Variants in GFRA2 observed in about 807,000 individuals in gnomAD.
The protein encoded by GFRA2 is GDNF family receptor alpha 2.
GFRA2 carries 17 observed loss-of-function variants against 48.3 expected under a neutral mutation model. The observed-to-expected ratio is 0.35, with a 90% CI of 0.24 to 0.53. The LOEUF (loss-of-function observed/expected upper bound fraction) is 0.53. GFRA2 is among the 20% of genes least tolerant of loss of function. GFRA2 has a pLI of 0.93. For missense variants in GFRA2, 660 were observed against 637.3 expected, an observed-to-expected ratio of 1.04 and a Z score of -0.38; for synonymous variants, 305 against 257.2, an observed-to-expected ratio of 1.19 and a Z score of -1.78.
chr8:21,779,561 A>T (rs1806872894), intron 2 of GFRA2: 1 of 152,232 alleles, frequency 6.6e-6, no homozygotes, highest in Non-Finnish European at 1.5e-5. Flanking sequence ...CAGCTCAGGC[A>T]TTGAGCGCTT....
chr8:21,727,040 G>A (rs998260418), intron 4 of GFRA2, among the ~76,000 whole-genome samples: 6 of 152,216 alleles, frequency 3.9e-5, no homozygotes, highest in Admixed American at 1.3e-4. Flanking sequence ...ATGAGCCACC[G>A]TGCCCAGCCC....
intron 4 of GFRA2, among the ~76,000 whole-genome samples, chr8:21,735,134 C>T (rs1468038459): frequency 1.3e-5 from 2 of 152,178 alleles, no homozygotes. Flanking sequence ...GTCATCAGGA[C>T]CTCCTAAGGC....
chr8:21,704,137 C>T lies in GFRA2; in HGVS notation c.1045+848G>A, dbSNP rs1802622908. Among the ~76,000 whole-genome samples the T allele has an allele frequency of 1.3e-5, 2 of 152,366 alleles. 1 individual carries two copies. The highest frequency in any genetic ancestry group is 4.1e-4 in the South Asian group (2 of 4,832). The stretch of plus-strand genomic sequence containing the variant: ...TACGTGATTGGCAGTTCCCTCCACC[C>T]GCCATGGTCTTCTGTGGAGCCCAGG... On this transcript the variant is annotated intron_variant, in intron 6 of 8. Transcript: ENST00000524240.
chr8:21,757,086 A>G (rs548053615), intron 3 of GFRA2, among the ~76,000 whole-genome samples: 2 of 152,128 alleles, frequency 1.3e-5, no homozygotes, highest in Non-Finnish European at 2.9e-5. Context: ...TGGCTTCTTC[A>G]TCTCCTCCCC....
chr8:21,724,029 G>A (rs533894020), intron 4 of GFRA2, among the ~76,000 whole-genome samples: 2 of 152,224 alleles, frequency 1.3e-5, no homozygotes, highest in South Asian at 4.1e-4. Flanking sequence ...CATGGCCCAG[G>A]CTCACCAGGA....
intron 4 of GFRA2, among the ~76,000 whole-genome samples, chr8:21,721,639 A>G (rs1803599818): frequency 6.6e-6 from 1 of 152,228 alleles, no homozygotes; most frequent in African/African-American, 2.4e-5. Context: ...TGAAAAATAG[A>G]ATTGGCTGTA....
At chr8:21,693,693 G>C (rs920842992) in intron 8 of GFRA2, among the ~76,000 whole-genome samples, 8 of 151,996 alleles carry the variant, frequency 5.3e-5, no homozygotes, top group African/African-American at 1.7e-4. Flanking sequence ...CCCTGCATCA[G>C]GGCTGAGGAC....
At chr8:21,751,871 G>T (rs911977946) in intron 3 of GFRA2, among the ~76,000 whole-genome samples, 1 of 152,102 alleles carries the variant, frequency 6.6e-6, no homozygotes, top group Admixed American at 6.5e-5. Flanking sequence ...CGCAAGAGGA[G>T]GGCCCACTCT....
At chr8:21,698,118 C>G (rs913627604) in intron 7 of GFRA2, among the ~76,000 whole-genome samples, 2 of 152,196 alleles carry the variant, frequency 1.3e-5, no homozygotes, top group African/African-American at 4.8e-5. Context: ...CAGAGCTTCT[C>G]ATCCCCTAGA....
chr8:21,701,508 A>C (rs898698868), intron 7 of GFRA2, among the ~76,000 whole-genome samples: 2 of 152,182 alleles, frequency 1.3e-5, no homozygotes, highest in African/African-American at 4.8e-5. Context: ...ACCCCTTTGG[A>C]GGGTCTATTT....
rs201465934 is a variant in GFRA2, at chr8:21,709,982, G to A, written c.795-3941C>T. 8.5e-5 allele frequency among the ~76,000 whole-genome samples: 13 copies of A among 152,184 alleles called. No homozygotes were observed. The East Asian group carries it at 1.2e-3, about 14-fold the overall frequency. The stretch of plus-strand genomic sequence containing the variant: ...AGAGCAGGGCCATAGGGAGAGAGGC[G>A]GGAGTAGAGGAAGCCAGCCAGGAAA... On this transcript the variant is annotated intron_variant, in intron 4 of 8. Transcript: ENST00000524240.
chr8:21,750,948 G>A lies in GFRA2; in HGVS notation c.440-6C>T, dbSNP rs373693920. The A allele has an allele frequency of 3.2e-5, 52 of 1,600,382 alleles. No individual in the cohort carries two copies. The African/African-American group carries it at 5.8e-4, about 18-fold the overall frequency. On this transcript the variant is annotated splice_polypyrimidine_tract_variant and splice_region_variant and intron_variant, in intron 3 of 8. Coordinates refer to ENST00000524240, the MANE Select transcript of GFRA2 (RefSeq NM_001495.5). This position sits in a 1 kb window ranked among gnomAD's most constrained non-coding sequence, Gnocchi z 5.7. ...CACCGGGTCTGCCCCTGTCCCTGGA[G>A]GAGGAACAAGAGAGCAGGTCAGAGG...
chr8:21,730,887 G>A (rs1428302830), intron 4 of GFRA2, among the ~76,000 whole-genome samples: 1 of 152,154 alleles, frequency 6.6e-6, no homozygotes, highest in Non-Finnish European at 1.5e-5. Context: ...TTTGAGATAA[G>A]TATTAATTAT....
intron 1 of GFRA2, chr8:21,784,393 A>G: frequency 2.2e-6 from 1 of 454,938 alleles, no homozygotes; most frequent in South Asian, 1.6e-5. Context: ...GCCTCAGAAC[A>G]TAATAAAATC....
intron 4 of GFRA2, among the ~76,000 whole-genome samples, chr8:21,738,350 C>T (rs1804585478): frequency 6.6e-6 from 1 of 151,450 alleles, no homozygotes; most frequent in Non-Finnish European, 1.5e-5. Context: ...TGGGAGCTGA[C>T]CTCTGAAGGT....
At chr8:21,717,955 AG>A in intron 4 of GFRA2, among the ~76,000 whole-genome samples, 1 of 152,322 alleles carries the variant, frequency 6.6e-6, no homozygotes, top group Non-Finnish European at 1.5e-5. Flanking sequence ...CAATTTCTAA[AG>A]TCACATTGAC....
chr8:21,784,394 T>C (rs1807163888), intron 1 of GFRA2: 1 of 454,744 alleles, frequency 2.2e-6, no homozygotes, highest in Non-Finnish European at 4.4e-6. Context: ...CCTCAGAACA[T>C]AATAAAATCC....
Position 21,706,045 on chromosome 8 carries a change from G to T in GFRA2, c.795-4C>A, listed in dbSNP as rs1425931922. ...ATGGAAGTCGGCCAGCCGGGACCTG[G>T]TGGTGGGTAGAAGACGCAATAGAGA... On this transcript the variant is annotated splice_polypyrimidine_tract_variant and splice_region_variant and intron_variant, in intron 4 of 8. Coordinates refer to ENST00000524240, the MANE Select transcript of GFRA2 (RefSeq NM_001495.5). 1 of 1,551,798 alleles carries T rather than the reference G, an allele frequency of 6.4e-7. No homozygotes were observed. Among genetic ancestry groups the T allele is most frequent in the African/African-American group, 1.4e-5 (1 of 73,474 alleles).
At chr8:21,736,403 C>A (rs1275276652) in intron 4 of GFRA2, among the ~76,000 whole-genome samples, 2 of 152,188 alleles carry the variant, frequency 1.3e-5, no homozygotes, top group Non-Finnish European at 2.9e-5. Context: ...CTGCAAGTTA[C>A]ATTCTCCAAA....
Sources: gnomAD v4.1 joint callset for allele counts (sites outside exome capture counted in the v4.1 genomes callset) on GRCh38, gnomAD v4.1.1 for gene constraint, Gnocchi (gnomAD v3.1) non-coding constraint, MANE v1.5 for transcripts, NCBI Gene and HGNC (gene_info 2026-07-23, HGNC 2026-07-21) for gene names.